CTNNA2: variants seen among roughly 807,000 people sequenced by gnomAD.
The protein encoded by CTNNA2 is catenin alpha-2.
CTNNA2 carries 42 observed loss-of-function variants against 101.0 expected under a neutral mutation model. The ratio of observed to expected loss-of-function variants is 0.42; its 90% CI spans 0.32 to 0.54. CTNNA2 has a LOEUF of 0.54. Among genes scored for constraint, CTNNA2 ranks in the 20% least tolerant of loss-of-function variants. CTNNA2 has a pLI of 0.14. For missense variants in CTNNA2, 871 were observed against 1,223.1 expected, an observed-to-expected ratio of 0.71 and a Z score of 4.29; for synonymous variants, 450 against 456.4, an observed-to-expected ratio of 0.99 and a Z score of 0.18.
intron 8 of CTNNA2, among the ~76,000 whole-genome samples, chr2:80,405,244 A>G (rs1678952967): frequency 6.6e-6 from 1 of 152,192 alleles, no homozygotes. Flanking sequence ...GATCGCTGCA[A>G]TTCTTCAGAG....
chr2:79,975,955 A>G (rs1041071583), intron 7 of CTNNA2, among the ~76,000 whole-genome samples: 2 of 152,084 alleles, frequency 1.3e-5, no homozygotes, highest in African/African-American at 4.8e-5. Context: ...TCTATCCCCT[A>G]CCAGGAAGTT....
chr2:80,207,775 C>G lies in CTNNA2; in HGVS notation c.1057-185436C>G, dbSNP rs563232486. Among the ~76,000 whole-genome samples, 3 of 152,150 alleles carry G rather than the reference C, an allele frequency of 2.0e-5. No individual in the cohort carries two copies. In the East Asian group the frequency reaches 5.8e-4, roughly 29 times the overall value. On this transcript the variant is annotated intron_variant, in intron 7 of 18. Coordinates refer to ENST00000402739, the MANE Select transcript of CTNNA2 (RefSeq NM_001282597.3). ...AGCAGCACACCATATATAAATAAGGCTCTTTGGGCCACTGAATTGATGAGA... is the reference window on the plus strand; with the variant it reads ...AGCAGCACACCATATATAAATAAGGGTCTTTGGGCCACTGAATTGATGAGA...
chr2:80,581,433 C>A (rs1043429040), intron 13 of CTNNA2, among the ~76,000 whole-genome samples: 3 of 152,148 alleles, frequency 2.0e-5, no homozygotes, highest in Non-Finnish European at 2.9e-5. Flanking sequence ...ACACAGATAT[C>A]ATTTTTCTTA....
chr2:80,538,448 G>A (rs1351821578), intron 9 of CTNNA2, among the ~76,000 whole-genome samples: 1 of 152,148 alleles, frequency 6.6e-6, no homozygotes, highest in Non-Finnish European at 1.5e-5. Flanking sequence ...CATATGACTA[G>A]CCAATTTTCC....
At chr2:79,864,630 T>C (rs1366872205) in intron 4 of CTNNA2, among the ~76,000 whole-genome samples, 2 of 152,182 alleles carry the variant, frequency 1.3e-5, no homozygotes, top group Non-Finnish European at 2.9e-5. Context: ...AATGGCAGTG[T>C]TTATTGTGAA....
intron 7 of CTNNA2, among the ~76,000 whole-genome samples, chr2:80,004,304 G>T (rs2103977550): frequency 6.6e-6 from 1 of 152,246 alleles, no homozygotes; most frequent in Non-Finnish European, 1.5e-5. Flanking sequence ...TTAATGTGTG[G>T]TATGCATGCT....
chr2:79,338,578 A>ATCTTCATCT (rs1677053705), intron 3 of CTNNA2, among the ~76,000 whole-genome samples: 1 of 117,740 alleles, frequency 8.5e-6, no homozygotes, highest in Non-Finnish European at 1.7e-5. Flanking sequence ...CCTCCTCATC[A>ATCTTCATCT]TCTTCTTCTT....
chr2:80,485,181 A>T (rs1434073), intron 9 of CTNNA2, among the ~76,000 whole-genome samples: 44,241 of 152,004 alleles, frequency 0.29, 7,028 homozygotes, highest in East Asian at 0.58. Flanking sequence ...TCTTATTTTC[A>T]TCCACTGTCA....
intron 13 of CTNNA2, among the ~76,000 whole-genome samples, chr2:80,577,566 T>A (rs1021665546): frequency 3.3e-5 from 5 of 152,122 alleles, no homozygotes; most frequent in African/African-American, 1.2e-4. Flanking sequence ...ATGGCCATGC[T>A]GGTGAGAACA....
chr2:79,928,943 TAAC>T (rs1282242698), intron 7 of CTNNA2, among the ~76,000 whole-genome samples: 1 of 152,210 alleles, frequency 6.6e-6, no homozygotes, highest in Admixed American at 6.5e-5. Flanking sequence ...TGTTTCATAA[TAAC>T]AACAGGCAAA....
chr2:80,385,293 A>T (rs573749900), intron 7 of CTNNA2, among the ~76,000 whole-genome samples: 1 of 152,134 alleles, frequency 6.6e-6, no homozygotes, highest in Non-Finnish European at 1.5e-5. Flanking sequence ...TGATTATGTC[A>T]TGAGGGTGGA....
chr2:79,922,307 T>C (rs1686715459), intron 7 of CTNNA2, among the ~76,000 whole-genome samples: 1 of 152,102 alleles, frequency 6.6e-6, no homozygotes, highest in South Asian at 2.1e-4. Context: ...TCAATAGTTT[T>C]AAAAAAAGAC....
intron 7 of CTNNA2, among the ~76,000 whole-genome samples, chr2:79,933,458 C>CTT (rs371498775): frequency 4.9e-5 from 7 of 143,774 alleles, no homozygotes; most frequent in African/African-American, 1.0e-4. Flanking sequence ...CTGGTATTCT[C>CTT]TTTTTTTTTT....
At chr2:79,217,636 A>G (rs1382642295) in intron 2 of CTNNA2, among the ~76,000 whole-genome samples, 4 of 152,122 alleles carry the variant, frequency 2.6e-5, no homozygotes, top group Non-Finnish European at 1.5e-5. Flanking sequence ...TAAGGCAGGA[A>G]CCAGTCATCT....
intron 9 of CTNNA2, among the ~76,000 whole-genome samples, chr2:80,454,214 T>C (rs73941130): frequency 0.011 from 1,667 of 152,288 alleles, 41 homozygotes; most frequent in African/African-American, 0.038. Context: ...TATCTATGTC[T>C]GGAAAGGATC....
chr2:80,549,911 T>G (rs1692421610), intron 11 of CTNNA2, among the ~76,000 whole-genome samples: 1 of 152,140 alleles, frequency 6.6e-6, no homozygotes, highest in African/African-American at 2.4e-5. Context: ...GCGTGCTTAC[T>G]AACTGTTAAG....
At chr2:79,760,794 T>A (rs1254587978) in intron 3 of CTNNA2, among the ~76,000 whole-genome samples, 1 of 152,216 alleles carries the variant, frequency 6.6e-6, no homozygotes, top group Non-Finnish European at 1.5e-5. Context: ...CACAATGCAG[T>A]GTTCATGACC....
intron 2 of CTNNA2, among the ~76,000 whole-genome samples, chr2:79,273,455 CAA>C (rs528628217): frequency 2.3e-4 from 35 of 152,140 alleles, no homozygotes; most frequent in Middle Eastern, 3.4e-3. Context: ...ACTTTGGAAA[CAA>C]AGAGATCATT....
chr2:79,906,913 T>G (rs1334930566), intron 6 of CTNNA2, among the ~76,000 whole-genome samples: 1 of 152,184 alleles, frequency 6.6e-6, no homozygotes, highest in East Asian at 1.9e-4. Context: ...GAACCTTATT[T>G]TTTCATCAAA....
Sources: allele counts gnomAD v4.1 joint callset (sites outside exome capture counted in the v4.1 genomes callset), GRCh38; gene constraint gnomAD v4.1.1; transcripts MANE v1.5; gene names NCBI Gene and HGNC (gene_info 2026-07-23, HGNC 2026-07-21).